CLVS1: variants seen among roughly 807,000 people sequenced by gnomAD.
The protein encoded by CLVS1 is clavesin 1, also known as clavesin-1.
In CLVS1, 10 loss-of-function variants were observed where a neutral mutation model predicts 33.1. The ratio of observed to expected loss-of-function variants is 0.30; its 90% CI spans 0.19 to 0.51. CLVS1 has a LOEUF of 0.51. Among genes scored for constraint, CLVS1 ranks in the 20% least tolerant of loss-of-function variants. The pLI, the probability that CLVS1 is intolerant of heterozygous loss-of-function variation, is 0.97. For missense variants in CLVS1, 343 were observed against 433.4 expected, an observed-to-expected ratio of 0.79 and a Z score of 1.85; for synonymous variants, 163 against 166.1, an observed-to-expected ratio of 0.98 and a Z score of 0.14.
intron 2 of CLVS1, among the ~76,000 whole-genome samples, chr8:61,183,890 T>C (rs1807290503): frequency 6.6e-6 from 1 of 152,168 alleles, no homozygotes; most frequent in African/African-American, 2.4e-5. Flanking sequence ...CGTTAGGGTA[T>C]AATAAAAGAC....
At chr8:61,026,563 G>A in the CLVS1 span, among the ~76,000 whole-genome samples, 5 of 152,268 alleles carry the variant, frequency 3.3e-5, no homozygotes, top group South Asian at 8.3e-4. Flanking sequence ...TGCATTAAAC[G>A]AGGCCCTTGG....
chr8:61,296,587 A>G (rs1810219427), intron 1 of CLVS1, among the ~76,000 whole-genome samples: 1 of 152,214 alleles, frequency 6.6e-6, no homozygotes, highest in African/African-American at 2.4e-5. Flanking sequence ...CAATGTGCTT[A>G]GGCTAAATTC....
At chr8:61,168,757 T>C (rs898208959) in intron 2 of CLVS1, among the ~76,000 whole-genome samples, 1 of 152,212 alleles carries the variant, frequency 6.6e-6, no homozygotes, top group African/African-American at 2.4e-5. Flanking sequence ...AGAGAAATCA[T>C]TGTGATGGCT....
Position 61,288,037 on chromosome 8 carries a change from G to C in CLVS1, c.-253G>C. 2.2e-6 allele frequency: 1 copy of C among 448,462 alleles called. No individual in the cohort carries two copies. The highest frequency in any genetic ancestry group is 1.6e-5 in the South Asian group (1 of 63,162). The allele number at this position is 448,462 out of a possible 1,614,324, so 27.8% of individuals were successfully genotyped here. Reference sequence around the variant, plus strand: ...CATTCACAGCTTTCTAGAGAAATCTGAGCCCGAACCTGCCAGAATAGGGGA... The same window carrying C: ...CATTCACAGCTTTCTAGAGAAATCTCAGCCCGAACCTGCCAGAATAGGGGA... On this transcript the variant is annotated 5_prime_UTR_variant, in exon 1 of 6. Transcript: ENST00000325897.
At chr8:61,326,065 C>A (rs1282550794) in intron 2 of CLVS1, among the ~76,000 whole-genome samples, 1 of 152,150 alleles carries the variant, frequency 6.6e-6, no homozygotes, top group Non-Finnish European at 1.5e-5. Flanking sequence ...ATTTCCCCAG[C>A]CCATAGAGAT....
At chr8:61,328,529 C>CT (rs373908897) in intron 2 of CLVS1, among the ~76,000 whole-genome samples, 198 of 146,248 alleles carry the variant, frequency 1.4e-3, no homozygotes, top group African/African-American at 4.0e-3. Flanking sequence ...CTTGCCCAGT[C>CT]TTTTTTTTTT....
At chr8:61,288,262 C>G (rs1244355766) in intron 1 of CLVS1, 124 bp downstream of exon 1, 1 of 456,610 alleles carries the variant, frequency 2.2e-6, no homozygotes, top group African/African-American at 2.0e-5. Flanking sequence ...ATCTGCAATC[C>G]CTCTGCACTC....
At chr8:61,215,146 G>A (rs898182971) in intron 2 of CLVS1, among the ~76,000 whole-genome samples, 10 of 152,152 alleles carry the variant, frequency 6.6e-5, no homozygotes, top group Non-Finnish European at 1.0e-4. Context: ...AAGATGGGAT[G>A]GAGGGATGGG....
chr8:61,182,876 A>G (rs1807267081), intron 2 of CLVS1, among the ~76,000 whole-genome samples: 1 of 130,320 alleles, frequency 7.7e-6, no homozygotes, highest in Non-Finnish European at 1.9e-5. Flanking sequence ...TATTTACAAT[A>G]GCAATGACAT....
chr8:61,324,093 G>A (rs182074396), intron 2 of CLVS1, among the ~76,000 whole-genome samples: 1 of 152,066 alleles, frequency 6.6e-6, no homozygotes. Flanking sequence ...GAATAGTGCT[G>A]CAATGAACAT....
chr8:61,198,605 C>T (rs1807665200), intron 2 of CLVS1, among the ~76,000 whole-genome samples: 2 of 152,164 alleles, frequency 1.3e-5, no homozygotes, highest in African/African-American at 4.8e-5. Flanking sequence ...GTCTCAAAGT[C>T]CTGACCTCAA....
intron 2 of CLVS1, among the ~76,000 whole-genome samples, chr8:61,280,052 TA>T (rs1345756749): frequency 6.6e-6 from 1 of 152,118 alleles, no homozygotes; most frequent in Non-Finnish European, 1.5e-5. Context: ...ATTCAAAGCA[TA>T]GGGGTAAAAG....
chr8:61,129,313 A>T (rs1410095244), intron 1 of CLVS1, among the ~76,000 whole-genome samples: 1 of 152,180 alleles, frequency 6.6e-6, no homozygotes, highest in African/African-American at 2.4e-5. Context: ...TTGTGTAGTG[A>T]TTAGAGTACA....
intron 3 of CLVS1, among the ~76,000 whole-genome samples, chr8:61,396,760 C>T (rs561103906): frequency 6.6e-6 from 1 of 152,320 alleles, no homozygotes; most frequent in South Asian, 2.1e-4. Context: ...TTTACTGATT[C>T]TGGACATTTC....
chr8:61,058,155 T>C (rs1051637147), intron 1 of CLVS1, among the ~76,000 whole-genome samples: 1 of 152,192 alleles, frequency 6.6e-6, no homozygotes, highest in African/African-American at 2.4e-5. Flanking sequence ...GGCATCCTGC[T>C]GGTGAGCTTA....
intron 1 of CLVS1, among the ~76,000 whole-genome samples, chr8:61,110,195 G>A (rs970892883): frequency 1.3e-5 from 2 of 152,138 alleles, no homozygotes; most frequent in African/African-American, 4.8e-5. Context: ...CTGTAACCCT[G>A]ACTGCCTGGC....
At chr8:60,987,464 G>A in the CLVS1 span, among the ~76,000 whole-genome samples, 1 of 152,146 alleles carries the variant, frequency 6.6e-6, no homozygotes, top group African/African-American at 2.4e-5. Flanking sequence ...TTGCCTGTTT[G>A]TTGGAGGAAG....
At chr8:61,416,290 CTAG>C (rs1196552380) in intron 3 of CLVS1, among the ~76,000 whole-genome samples, 1 of 141,280 alleles carries the variant, frequency 7.1e-6, no homozygotes, top group Non-Finnish European at 1.5e-5. Context: ...AGATAGCTAG[CTAG>C]CTAGCTAGCT....
At chr8:61,003,259 G>C in the CLVS1 span, among the ~76,000 whole-genome samples, 4 of 152,102 alleles carry the variant, frequency 2.6e-5, no homozygotes, top group African/African-American at 9.7e-5. Context: ...GAGAACATAG[G>C]AATTATGTTT....
Sources: allele counts gnomAD v4.1 joint callset (sites outside exome capture counted in the v4.1 genomes callset), GRCh38; gene constraint gnomAD v4.1.1; transcripts MANE v1.5; gene names NCBI Gene and HGNC (gene_info 2026-07-23, HGNC 2026-07-21).